Variants in MCPH1 observed in about 807,000 individuals in gnomAD.
The protein encoded by MCPH1 is microcephalin.
A neutral mutation model predicts 84.5 loss-of-function variants in MCPH1; 104 were observed. That is an observed-to-expected ratio of 1.23 (90% CI 1.05 to 1.45). The LOEUF (loss-of-function observed/expected upper bound fraction) is 1.45, where lower values mean the gene tolerates loss of function less well. Among genes scored for constraint, MCPH1 ranks in the 40% most tolerant of loss-of-function variants. MCPH1 has a pLI of 0.00. For missense variants in MCPH1, 1,498 were observed against 1,005.7 expected, an observed-to-expected ratio of 1.49 and a Z score of -6.62; for synonymous variants, 514 against 366.8, an observed-to-expected ratio of 1.40 and a Z score of -4.58.
chr8:6,595,451 T>G (rs1358173943), intron 12 of MCPH1, among the ~76,000 whole-genome samples: 1 of 152,072 alleles, frequency 6.6e-6, no homozygotes, highest in African/African-American at 2.4e-5. Flanking sequence ...AGGGGAAAAG[T>G]GTTCCCTGGA....
chr8:6,419,984 G>C (rs1187283096), intron 3 of MCPH1, among the ~76,000 whole-genome samples: 1 of 151,680 alleles, frequency 6.6e-6, no homozygotes, highest in African/African-American at 2.4e-5. Context: ...CCAGGCTTGT[G>C]GCCAGAGCGT....
At chr8:6,408,691 TG>T (rs1429994416) in intron 1 of MCPH1, among the ~76,000 whole-genome samples, 1 of 150,146 alleles carries the variant, frequency 6.7e-6, no homozygotes, top group East Asian at 2.0e-4. Context: ...ACCCAGTAGC[TG>T]GGACTACAGC....
In MCPH1 at chr8:6,445,283, G is replaced by A; in HGVS notation, c.1561G>A (p.Glu521Lys). 1 of 1,614,214 alleles carries A rather than the reference G, an allele frequency of 6.2e-7. No homozygotes were observed. The highest frequency in any genetic ancestry group is 1.3e-5 in the African/African-American group (1 of 75,044). The change falls in exon 8 of 14, where the codon GAG (glutamate) becomes AAG (lysine). Residue 521 changes from glutamate to lysine, a missense_variant. Coordinates refer to ENST00000344683, the MANE Select transcript of MCPH1 (RefSeq NM_024596.5). ...GGCTGGGAAAGAAGACGCATGCCCA[G>A]AGGGAAATGGCTTTTCTTACACCAT... ...RQAGKEDACP[E>K]GNGFSYTIED...
Position 6,406,643 on chromosome 8 carries a change from A to G in MCPH1, c.-25A>G, listed in dbSNP as rs1288007977. On this transcript the variant is annotated 5_prime_UTR_variant, in exon 1 of 14. Coordinates refer to ENST00000344683, the MANE Select transcript of MCPH1 (RefSeq NM_024596.5). ...CAGGCTCGCAAGCACCGCGTAGGCCAGCTGGCCGGATCCCGCCGTCTGTCA... is the reference window on the plus strand; with the variant it reads ...CAGGCTCGCAAGCACCGCGTAGGCCGGCTGGCCGGATCCCGCCGTCTGTCA... 1.2e-6 allele frequency: 2 copies of G among 1,611,018 alleles called. No individual in the cohort carries two copies. Among genetic ancestry groups the G allele is most frequent in the East Asian group, 2.2e-5 (1 of 44,794 alleles).
In MCPH1 at chr8:6,621,545, G is replaced by GC. The variant is rs1401112399; in HGVS notation, c.2312dup (p.Val772SerfsTer6). On this transcript the variant is annotated frameshift_variant, in exon 13 of 14. Coordinates refer to ENST00000344683, the MANE Select transcript of MCPH1 (RefSeq NM_024596.5). LOFTEE classifies it high-confidence loss of function. ...GCGATGTTTGTCTCGCCTGCCAGCA[G>GC]CCCCCCAGTGGCCAAGCTCTGTGAA... 6.2e-7 allele frequency: 1 copy of GC among 1,614,158 alleles called. No individual in the cohort carries two copies. Among genetic ancestry groups the GC allele is most frequent in the Non-Finnish European group, 8.5e-7 (1 of 1,180,020 alleles).
chr8:6,511,912 T>C (rs1815205508), intron 12 of MCPH1, among the ~76,000 whole-genome samples: 1 of 152,150 alleles, frequency 6.6e-6, no homozygotes, highest in East Asian at 1.9e-4. Context: ...TTTTTTTTTT[T>C]TTTAATTCTT....
At chr8:6,409,413 G>A (rs778196227) in intron 2 of MCPH1, 43 bp downstream of exon 2, 3 of 1,460,084 alleles carry the variant, frequency 2.1e-6, no homozygotes, top group Non-Finnish European at 2.9e-6. Flanking sequence ...ACAGTCTTCT[G>A]ATTGGTAAAA....
intron 12 of MCPH1, among the ~76,000 whole-genome samples, chr8:6,610,101 T>G (rs955117948): frequency 5.3e-5 from 8 of 152,346 alleles, no homozygotes; most frequent in African/African-American, 1.9e-4. Flanking sequence ...ATGTTCGCTA[T>G]TTTTACTGGC....
chr8:6,624,378 G>A (rs1343284432), intron 13 of MCPH1, among the ~76,000 whole-genome samples: 1 of 152,146 alleles, frequency 6.6e-6, no homozygotes, highest in African/African-American at 2.4e-5. Flanking sequence ...CCCCTCACTC[G>A]CCGGCCACCA....
intron 12 of MCPH1, among the ~76,000 whole-genome samples, chr8:6,600,212 A>T (rs1165191216): frequency 1.3e-5 from 2 of 152,246 alleles, no homozygotes; most frequent in Non-Finnish European, 2.9e-5. Flanking sequence ...CATCCTGGCA[A>T]GAGTGCGGTA....
chr8:6,564,498 C>T (rs760191185), intron 12 of MCPH1, among the ~76,000 whole-genome samples: 1 of 152,238 alleles, frequency 6.6e-6, no homozygotes, highest in African/African-American at 2.4e-5. Context: ...CCTTTAACAA[C>T]TAAAACTTAA....
intron 12 of MCPH1, among the ~76,000 whole-genome samples, chr8:6,620,656 G>A (rs886966894): frequency 5.9e-5 from 9 of 152,122 alleles, no homozygotes; most frequent in South Asian, 2.1e-4. Flanking sequence ...AAAACAAAAC[G>A]TGGATGGCAC....
At chr8:6,521,877 A>G (rs1817405605) in intron 12 of MCPH1, among the ~76,000 whole-genome samples, 1 of 152,208 alleles carries the variant, frequency 6.6e-6, no homozygotes, top group Non-Finnish European at 1.5e-5. Context: ...AATAGCACTT[A>G]ATGCTATGTG....
At chr8:6,614,316 G>A (rs1845028335) in intron 12 of MCPH1, among the ~76,000 whole-genome samples, 1 of 152,190 alleles carries the variant, frequency 6.6e-6, no homozygotes, top group African/African-American at 2.4e-5. Context: ...TCAGATGCCT[G>A]CCTCCTCCCA....
intron 9 of MCPH1, among the ~76,000 whole-genome samples, chr8:6,465,558 T>C (rs1176834672): frequency 6.6e-6 from 1 of 152,180 alleles, no homozygotes; most frequent in Non-Finnish European, 1.5e-5. Context: ...TCACTTGTGA[T>C]AGCCCTGGGA....
intron 12 of MCPH1, among the ~76,000 whole-genome samples, chr8:6,590,008 T>G (rs1828309961): frequency 6.6e-6 from 1 of 152,218 alleles, no homozygotes; most frequent in Non-Finnish European, 1.5e-5. Context: ...GAAACGATCT[T>G]GCTGTGTTGC....
intron 12 of MCPH1, chr8:6,503,179 G>A (rs142456388): frequency 7.2e-5 from 117 of 1,614,190 alleles, no homozygotes; most frequent in Non-Finnish European, 9.3e-5. Context: ...ACCATTTAAT[G>A]CCGTTGAACT....
At chr8:6,630,354 G>A (rs1445130529) in intron 13 of MCPH1, among the ~76,000 whole-genome samples, 5 of 152,170 alleles carry the variant, frequency 3.3e-5, no homozygotes, top group Admixed American at 3.3e-4. Flanking sequence ...TCATAAGAGA[G>A]CATGATGAAC....
chr8:6,475,995 C>T (rs144751656), intron 9 of MCPH1, among the ~76,000 whole-genome samples: 2 of 152,248 alleles, frequency 1.3e-5, no homozygotes, highest in East Asian at 3.9e-4. Context: ...AAACTAAGCC[C>T]TGTTTCTGGT....
Sources: gnomAD v4.1 joint callset for allele counts (sites outside exome capture counted in the v4.1 genomes callset) on GRCh38, gnomAD v4.1.1 for gene constraint, MANE v1.5 for transcripts, NCBI Gene and HGNC (gene_info 2026-07-23, HGNC 2026-07-21) for gene names.